KIF7: variants seen among roughly 807,000 people sequenced by gnomAD.
The protein encoded by KIF7 is kinesin family member 7.
A neutral mutation model predicts 135.7 loss-of-function variants in KIF7; 104 were observed. The ratio of observed to expected loss-of-function variants is 0.77; its 90% CI spans 0.65 to 0.90. The LOEUF is 0.90. Among genes scored for constraint, KIF7 ranks in the 40% least tolerant of loss-of-function variants. The pLI is 0.00. For synonymous variants in KIF7, 883 were observed against 809.4 expected (o/e 1.09, Z -1.54); for missense variants, 2,005 against 1,839.1 (o/e 1.09, Z -1.65).
downstream of KIF7, chr15:89,624,608 C>T (rs147298992): frequency 6.8e-6 from 11 of 1,609,806 alleles, no homozygotes; most frequent in African/African-American, 9.3e-5. Flanking sequence ...TCTCCTCAGT[C>T]TCCTCCTGAA....
chr15:89,631,016 G>A (rs1596066159), intron 15 of KIF7: 1 of 219,486 alleles, frequency 4.6e-6, no homozygotes, highest in East Asian at 1.1e-4. Flanking sequence ...TCTAAACATA[G>A]AAAACGCACA....
chr15:89,660,460 C>T (rs1310423552), upstream of KIF7, among the ~76,000 whole-genome samples: 1 of 152,212 alleles, frequency 6.6e-6, no homozygotes, highest in African/African-American at 2.4e-5. Flanking sequence ...TGCCATTCTC[C>T]TTTCTCCTTG....
chr15:89,631,168 C>A (rs531307508), intron 15 of KIF7: 2 of 350,432 alleles, frequency 5.7e-6, no homozygotes, highest in East Asian at 1.1e-4. Context: ...ATGAGGTGCA[C>A]TGAGTATGCG....
chr15:89,653,561 G>A (rs1333539265), intron 1 of KIF7, among the ~76,000 whole-genome samples: 1 of 152,010 alleles, frequency 6.6e-6, no homozygotes, highest in Non-Finnish European at 1.5e-5. Context: ...GTCCCCTCCC[G>A]CAGGGCAACC....
chr15:89,653,306 A>G (rs1167336950), intron 1 of KIF7, among the ~76,000 whole-genome samples: 1 of 152,178 alleles, frequency 6.6e-6, no homozygotes, highest in East Asian at 1.9e-4. Context: ...TCCTGTCCCT[A>G]ACACCCACTG....
chr15:89,647,446 C>T, intron 6 of KIF7, 150 bp downstream of exon 6: 2 of 742,754 alleles, frequency 2.7e-6, no homozygotes, highest in Non-Finnish European at 4.7e-6. Flanking sequence ...ATGCTCACCT[C>T]CACACTTTCG....
At chr15:89,657,656 C>T (rs571953308), upstream of KIF7, among the ~76,000 whole-genome samples, 2 of 152,210 alleles carry the variant, frequency 1.3e-5, no homozygotes, top group South Asian at 4.1e-4. Context: ...TCAAAAAATT[C>T]AGATGCTTTT....
chr15:89,645,848 C>G, intron 8 of KIF7, 45 bp downstream of exon 8: 2 of 1,604,052 alleles, frequency 1.2e-6, no homozygotes, highest in Non-Finnish European at 1.7e-6. Context: ...TAGCCCTGGG[C>G]CCTGAGCAGG....
intron 6 of KIF7, 142 bp downstream of exon 6, chr15:89,647,454 T>C (rs780158740): frequency 1.2e-5 from 9 of 757,700 alleles, no homozygotes; most frequent in Non-Finnish European, 2.1e-5. Flanking sequence ...CTCCACACTT[T>C]CGCTCATGTG....
At chr15:89,645,578 A>G in intron 8 of KIF7, 127 bp from the exon 9 acceptor site, 1 of 820,964 alleles carries the variant, frequency 1.2e-6, no homozygotes, top group Non-Finnish European at 2.0e-6. Context: ...TAAACCCAGG[A>G]TGTGAGTCTG....
chr15:89,631,542 G>A lies in KIF7; in HGVS notation c.3064C>T (p.Leu1022=). The change falls in exon 15 of 19, where the codon CTG becomes TTG. Residue 1022 remains leucine, a synonymous_variant. Coordinates refer to ENST00000394412, the MANE Select transcript of KIF7 (RefSeq NM_198525.3). The part of the protein sequence containing the change: ...QEKDSLLKQR[L]EIDGKLRQGS... ...TGCCTCAGCTTGCCGTCGATCTCCA[G>A]GCGCTGCTTGAGCAGCGAGTCCTTC... 1 of 1,583,372 alleles carries A rather than the reference G, an allele frequency of 6.3e-7. No individual in the cohort carries two copies. Among genetic ancestry groups the A allele is most frequent in the East Asian group, 2.3e-5 (1 of 43,520 alleles).
chr15:89,645,438 T>G lies in KIF7; in HGVS notation c.1936A>C (p.Asn646His). 5 of 1,613,084 alleles carry G rather than the reference T, an allele frequency of 3.1e-6. No individual in the cohort carries two copies. Among genetic ancestry groups the G allele is most frequent in the Non-Finnish European group, 4.2e-6 (5 of 1,179,412 alleles). ...CGTGCCCCCGCCCTCTGACTGCAGT[T>G]GCTGATCCTATTTCTGGAGGACAGA... ...TLHLRRNRIS[N>H]CSQRAGARPG... The change falls in exon 9 of 19, where the codon AAC (asparagine) becomes CAC (histidine). Residue 646 changes from asparagine to histidine, a missense_variant. By Grantham distance (68) the Asn-to-His change is moderately conservative. Coordinates refer to ENST00000394412, the MANE Select transcript of KIF7 (RefSeq NM_198525.3).
At chr15:89,624,240 A>G, downstream of KIF7, 1 of 1,614,178 alleles carries the variant, frequency 6.2e-7, no homozygotes, top group Non-Finnish European at 8.5e-7. Flanking sequence ...CGCCAAAGAA[A>G]CTGTTTACCT....
chr15:89,623,868 C>G (rs562432045), downstream of KIF7: 1 of 1,613,784 alleles, frequency 6.2e-7, no homozygotes, highest in Non-Finnish European at 8.5e-7. Flanking sequence ...GAGAAGGTAC[C>G]TCTCTTGAAA....
chr15:89,637,736 G>T (rs1245457792), intron 11 of KIF7, among the ~76,000 whole-genome samples: 1 of 145,400 alleles, frequency 6.9e-6, no homozygotes, highest in Non-Finnish European at 1.5e-5. Context: ...AATTCTACCA[G>T]AGGTACAAGG....
chr15:89,631,112 A>G (rs1963664673), intron 15 of KIF7: 1 of 260,520 alleles, frequency 3.8e-6, no homozygotes, highest in Non-Finnish European at 7.4e-6. Flanking sequence ...ACATGACTAT[A>G]GTCACATAGG....
At chr15:89,661,713 T>C in the KIF7 span, among the ~76,000 whole-genome samples, 2 of 151,910 alleles carry the variant, frequency 1.3e-5, no homozygotes, top group African/African-American at 4.9e-5. Context: ...GACTTTTTAG[T>C]TTGTAACTAA....
Position 89,630,410 on chromosome 15 carries a change from G to T in KIF7, c.3195C>A (p.Cys1065Ter). Reference protein sequence around the residue: ...AIEYKNEAITCRQRVLRASAS... With the variant: ...AIEYKNEAIT ...CTGAGGCCCGAAGCACCCGCTGGCGGCATGTGATGGCCTCATTCTTATACT... is the reference window on the plus strand; with the variant it reads ...CTGAGGCCCGAAGCACCCGCTGGCGTCATGTGATGGCCTCATTCTTATACT... The change falls in exon 16 of 19, where the codon TGC (cysteine) becomes TGA (stop). Residue 1065 changes from cysteine (C) to a stop codon, truncating the protein, a stop_gained. Coordinates refer to ENST00000394412, the MANE Select transcript of KIF7 (RefSeq NM_198525.3). LOFTEE classifies it high-confidence loss of function. 6.2e-7 allele frequency: 1 copy of T among 1,608,922 alleles called. No individual in the cohort carries two copies. The highest frequency in any genetic ancestry group is 1.7e-5 in the Admixed American group (1 of 59,046).
At position 89,630,322 on chromosome 15, in the gene KIF7, C is replaced by CTGAGGATGA. The variant is rs752092734; in HGVS notation, c.3274_3282dup (p.Ser1092_Ser1094dup). The CTGAGGATGA allele has an allele frequency of 6.2e-7, 1 of 1,614,172 alleles. No individual in the cohort carries two copies. Among genetic ancestry groups the CTGAGGATGA allele is most frequent in the South Asian group, 1.1e-5 (1 of 91,080 alleles). On this transcript the variant is annotated inframe_insertion, in exon 16 of 19. Transcript: ENST00000394412. Reference sequence around the variant, plus strand: ...TACTTGCAGAGGAGGGCTCTGGTCTCTGAGGATGAGAGGTAGCTGAGCTTG... The same window carrying CTGAGGATGA: ...TACTTGCAGAGGAGGGCTCTGGTCTCTGAGGATGATGAGGATGAGAGGTAGCTGAGCTTG...
Sources: gnomAD v4.1 joint callset for allele counts (sites outside exome capture counted in the v4.1 genomes callset) on GRCh38, gnomAD v4.1.1 for gene constraint, MANE v1.5 for transcripts, NCBI Gene and HGNC (gene_info 2026-07-23, HGNC 2026-07-21) for gene names.